Variants in FAM133B observed in about 807,000 individuals in gnomAD.
The protein encoded by FAM133B is family with sequence similarity 133 member B, also known as protein FAM133B.
A neutral mutation model predicts 46.4 loss-of-function variants in FAM133B; 25 were observed. The ratio of observed to expected loss-of-function variants is 0.54; its 90% confidence interval spans 0.39 to 0.75. The LOEUF (loss-of-function observed/expected upper bound fraction) is 0.75, where lower values mean the gene tolerates loss of function less well. Ranked by LOEUF, FAM133B falls within the 30% of genes least tolerant of loss-of-function variation. The probability of loss-of-function intolerance (pLI) is 0.00; values close to 1 mark genes in which losing one functional copy is unlikely to be tolerated. For synonymous variants in FAM133B, 75 were observed against 86.0 expected (o/e 0.87, Z 0.71); for missense variants, 205 against 277.6 (o/e 0.74, Z 1.86).
rs111886214 is a variant in FAM133B at position 92,578,622 on chromosome 7, T to C, written c.202-229A>G. On this transcript the variant is annotated intron_variant, in intron 3 of 10. Coordinates refer to ENST00000445716, the MANE Select transcript of FAM133B (RefSeq NM_152789.4). ...ATTAAGGGATAGGGGTTCTGTATTATTGAGCAGCAGGCATTATTACTGAAG... is the reference window on the plus strand; with the variant it reads ...ATTAAGGGATAGGGGTTCTGTATTACTGAGCAGCAGGCATTATTACTGAAG... Among the ~76,000 whole-genome samples the C allele has an allele frequency of 7.1e-3, 1,083 of 152,334 alleles. 15 individuals carry two copies. Among genetic ancestry groups the C allele is most frequent in the African/African-American group, 0.025 (1,036 of 41,570 alleles).
At chr7:92,585,579 G>A (rs534853744) in intron 1 of FAM133B, among the ~76,000 whole-genome samples, 3 of 152,108 alleles carry the variant, frequency 2.0e-5, no homozygotes, top group Non-Finnish European at 4.4e-5. Context: ...TAAATATTAC[G>A]TAGCTACTAA....
chr7:92,590,051 A>C, intron 1 of FAM133B: 5 of 616,536 alleles, frequency 8.1e-6, no homozygotes, highest in Non-Finnish European at 1.4e-5. Flanking sequence ...AGGTGAGGGA[A>C]GAAAAAAGGG....
chr7:92,580,211 CTA>C (rs1008579685), intron 2 of FAM133B, among the ~76,000 whole-genome samples: 3 of 148,558 alleles, frequency 2.0e-5, no homozygotes. Context: ...GTAGCTAAGA[CTA>C]CAGGCATGTA....
At chr7:92,584,989 CAAA>C (rs1370212539) in intron 1 of FAM133B, among the ~76,000 whole-genome samples, 1 of 151,558 alleles carries the variant, frequency 6.6e-6, no homozygotes, top group Non-Finnish European at 1.5e-5. Context: ...CTAAACAAAA[CAAA>C]ACAAAACAAA....
intron 6 of FAM133B, 67 bp from the exon 7 acceptor site, chr7:92,577,262 A>G (rs1585308173): frequency 2.6e-6 from 3 of 1,146,458 alleles, no homozygotes; most frequent in Non-Finnish European, 3.6e-6. Flanking sequence ...ATTTATTAAT[A>G]TAAAACTTTT....
intron 5 of FAM133B, 56 bp downstream of exon 5, chr7:92,578,094 C>T: frequency 2.0e-6 from 3 of 1,468,456 alleles, no homozygotes; most frequent in Admixed American, 3.6e-5. Context: ...ATTATTCTTA[C>T]TTTTTTTGTT....
intron 7 of FAM133B, 172 bp from the exon 8 acceptor site, chr7:92,575,993 G>C: frequency 2.8e-6 from 1 of 356,018 alleles, no homozygotes; most frequent in Non-Finnish European, 5.3e-6. Flanking sequence ...ACATTTGCTT[G>C]TAAGCAAACA....
intron 9 of FAM133B, among the ~76,000 whole-genome samples, chr7:92,569,318 T>C (rs1289129744): frequency 6.6e-6 from 1 of 152,220 alleles, no homozygotes; most frequent in Non-Finnish European, 1.5e-5. Flanking sequence ...TATGATGCAA[T>C]GCCTTTCGTA....
chr7:92,562,207 T>C lies in FAM133B; in HGVS notation c.*75A>G, dbSNP rs1393821802. The C allele has an allele frequency of 7.0e-6, 10 of 1,438,234 alleles. No individual in the cohort carries two copies. The highest frequency in any genetic ancestry group is 2.5e-4 in the Middle Eastern group (1 of 4,016). 89.1% of individuals were successfully genotyped at this position (1,438,234 alleles called of 1,614,324 possible). ...GAAAATTCATGCATTTTAGTAAATA[T>C]GTTGTAGTTTTCACAGTTGAAATTT... On this transcript the variant is annotated 3_prime_UTR_variant, in exon 11 of 11. Transcript: ENST00000445716.
chr7:92,587,749 A>T (rs1795076488), intron 1 of FAM133B, among the ~76,000 whole-genome samples: 1 of 151,892 alleles, frequency 6.6e-6, no homozygotes, highest in African/African-American at 2.4e-5. Context: ...ATAAATAAAT[A>T]AATTTATTTG....
At chr7:92,584,405 TTA>T (rs1007327919) in intron 1 of FAM133B, among the ~76,000 whole-genome samples, 5 of 152,168 alleles carry the variant, frequency 3.3e-5, no homozygotes, top group Non-Finnish European at 2.9e-5. Flanking sequence ...CAGATAAAAG[TTA>T]TATACTTCCA....
rs746929888 is a variant in FAM133B at position 92,578,066 on chromosome 7, A to C, written c.309+84T>G. On this transcript the variant is annotated intron_variant, in intron 5 of 10. Coordinates refer to ENST00000445716, the MANE Select transcript of FAM133B (RefSeq NM_152789.4). ...CTCATCTGGAGTTTAAGCTACCTTT[A>C]GCATACAGGTTAAACAAATTATTCT... 6 of 1,195,158 alleles carry C rather than the reference A, an allele frequency of 5.0e-6. No individual in the cohort carries two copies. In the African/African-American group the frequency reaches 9.2e-5, roughly 18 times the overall value. The allele number at this position is 1,195,158 out of a possible 1,614,324, so 74.0% of individuals were successfully genotyped here.
intron 1 of FAM133B, chr7:92,589,765 T>A (rs1795137065): frequency 6.4e-6 from 1 of 155,806 alleles, no homozygotes; most frequent in Non-Finnish European, 1.4e-5. Flanking sequence ...TGCTTGTCGC[T>A]AAAACCAGGC....
chr7:92,577,978 T>C (rs1562894718), intron 5 of FAM133B, 172 bp downstream of exon 5: 2 of 695,594 alleles, frequency 2.9e-6, no homozygotes, highest in South Asian at 4.0e-5. Flanking sequence ...GTTGGCACCG[T>C]TTTTTATGTC....
At chr7:92,585,559 C>T (rs28495511) in intron 1 of FAM133B, among the ~76,000 whole-genome samples, 28,467 of 152,106 alleles carry the variant, frequency 0.19, 2,898 homozygotes, top group East Asian at 0.3. Flanking sequence ...TATTAAAGTA[C>T]ACACCCTGTT....
intron 9 of FAM133B, among the ~76,000 whole-genome samples, chr7:92,568,043 G>A (rs1191416501): frequency 2.0e-5 from 3 of 151,886 alleles, no homozygotes; most frequent in Non-Finnish European, 2.9e-5. Flanking sequence ...GGATACAGGC[G>A]TGAACCACCA....
At chr7:92,577,587 TGG>T (rs1489052390) in intron 6 of FAM133B, 66 bp downstream of exon 6, 54 of 1,301,008 alleles carry the variant, frequency 4.2e-5, no homozygotes, top group Non-Finnish European at 5.4e-5. Flanking sequence ...TATTTCACAA[TGG>T]GTTTCCACTT....
At chr7:92,582,930 C>T (rs1794931069) in intron 1 of FAM133B, among the ~76,000 whole-genome samples, 1 of 152,076 alleles carries the variant, frequency 6.6e-6, no homozygotes, top group South Asian at 2.1e-4. Flanking sequence ...TTTAGTGGTC[C>T]CTCAAAAAGT....
chr7:92,582,304 T>TAACATAAATAACATAAAA (rs1562897314), intron 1 of FAM133B, among the ~76,000 whole-genome samples: 1 of 143,618 alleles, frequency 7.0e-6, no homozygotes. Flanking sequence ...ATAACATAAA[T>TAACATAAATAACATAAAA]AACATAAAAT....
Sources: gnomAD v4.1 joint callset for allele counts (sites outside exome capture counted in the v4.1 genomes callset) on GRCh38, gnomAD v4.1.1 for gene constraint, MANE v1.5 for transcripts, NCBI Gene and HGNC (gene_info 2026-07-23, HGNC 2026-07-21) for gene names.